Variants in ANKRD62 observed in about 807,000 individuals in gnomAD.
ANKRD62 encodes ankyrin repeat domain 62, also known as ankyrin repeat domain-containing protein 62.
Under a neutral mutation model 98.8 loss-of-function variants are expected in ANKRD62, and 61 were observed. The observed-to-expected ratio is 0.62, with a 90% CI of 0.50 to 0.76. The LOEUF is 0.76. Ranked by LOEUF, ANKRD62 falls within the 30% of genes least tolerant of loss-of-function variation. The probability of loss-of-function intolerance (pLI) is 0.00; values close to 1 mark genes in which losing one functional copy is unlikely to be tolerated. For missense variants in ANKRD62, 933 were observed against 1,082.9 expected (o/e 0.86, Z 1.94); for synonymous variants, 341 against 367.9 (o/e 0.93, Z 0.84).
the ANKRD62 span, among the ~76,000 whole-genome samples, chr18:12,175,613 A>G: frequency 6.6e-6 from 1 of 152,014 alleles, no homozygotes; most frequent in South Asian, 2.1e-4. Flanking sequence ...AGGGTCCACC[A>G]GCACAGAAGC....
intron 7 of ANKRD62, among the ~76,000 whole-genome samples, chr18:12,105,924 C>G (rs947586158): frequency 1.3e-5 from 2 of 152,092 alleles, no homozygotes; most frequent in Non-Finnish European, 2.9e-5. Context: ...TAATTTTTCC[C>G]TATTGACTTA....
At position 12,125,456 on chromosome 18, in the gene ANKRD62, T is replaced by G; in HGVS notation, c.1639-4T>G. On this transcript the variant is annotated splice_polypyrimidine_tract_variant and splice_region_variant and intron_variant, in intron 12 of 13. Coordinates refer to ENST00000587848, the MANE Select transcript of ANKRD62 (RefSeq NM_001277333.2). Reference sequence around the variant, plus strand: ...TAGTTGAGAGTTTTCTTTGTTTTATTTAGAATTTTCATACTCATGAAAGAG... The same window carrying G: ...TAGTTGAGAGTTTTCTTTGTTTTATGTAGAATTTTCATACTCATGAAAGAG... 1 of 1,444,418 alleles carries G rather than the reference T, an allele frequency of 6.9e-7. No individual in the cohort carries two copies. Among genetic ancestry groups the G allele is most frequent in the South Asian group, 1.6e-5 (1 of 64,220 alleles). 89.5% of individuals were successfully genotyped at this position (1,444,418 alleles called of 1,614,324 possible).
downstream of ANKRD62, among the ~76,000 whole-genome samples, chr18:12,132,043 A>G (rs932988152): frequency 4.6e-5 from 7 of 152,266 alleles, no homozygotes; most frequent in African/African-American, 1.7e-4. Context: ...GAATCTTAAT[A>G]ATGATGACTC....
chr18:12,145,299 G>A, the ANKRD62 span, among the ~76,000 whole-genome samples: 1 of 152,238 alleles, frequency 6.6e-6, no homozygotes, highest in South Asian at 2.1e-4. Context: ...ACATGGGCTT[G>A]GAATCTCCAA....
downstream of ANKRD62, among the ~76,000 whole-genome samples, chr18:12,130,338 A>G (rs1210986662): frequency 6.6e-6 from 1 of 152,152 alleles, no homozygotes; most frequent in Non-Finnish European, 1.5e-5. Flanking sequence ...TTTAAAATAT[A>G]TATTTTAGGC....
intron 6 of ANKRD62, chr18:12,102,625 A>G (rs1324430675): frequency 1.2e-5 from 8 of 650,568 alleles, no homozygotes; most frequent in Admixed American, 4.9e-5. Flanking sequence ...AGCCAGAATC[A>G]GAGAAGAGTT....
chr18:12,113,946 A>T (rs1909603073), intron 8 of ANKRD62, among the ~76,000 whole-genome samples: 1 of 152,264 alleles, frequency 6.6e-6, no homozygotes, highest in African/African-American at 2.4e-5. Flanking sequence ...ATACCAGGAA[A>T]TATTAGGTAG....
At chr18:12,118,586 G>T (rs1389304796) in intron 10 of ANKRD62, among the ~76,000 whole-genome samples, 1 of 149,462 alleles carries the variant, frequency 6.7e-6, no homozygotes, top group Non-Finnish European at 1.5e-5. Flanking sequence ...TCCAGTCTCG[G>T]AGACAGAGTA....
chr18:12,157,618 T>A, the ANKRD62 span, among the ~76,000 whole-genome samples: 1,037 of 152,324 alleles, frequency 6.8e-3, 10 homozygotes, highest in African/African-American at 0.024. Flanking sequence ...CTAGGGCTAG[T>A]GTGTTCGCTT....
chr18:12,147,038 GC>G, the ANKRD62 span, among the ~76,000 whole-genome samples: 6 of 119,150 alleles, frequency 5.0e-5, no homozygotes, highest in Non-Finnish European at 8.7e-5. Context: ...TTTAAAGGGG[GC>G]CCCGATCTTG....
chr18:12,117,812 C>G (rs1909696935), intron 10 of ANKRD62, among the ~76,000 whole-genome samples: 3 of 152,082 alleles, frequency 2.0e-5, no homozygotes, highest in African/African-American at 7.2e-5. Flanking sequence ...GGGAAAAAAC[C>G]CCATTTGTTT....
At chr18:12,163,622 T>C in the ANKRD62 span, among the ~76,000 whole-genome samples, 1 of 152,132 alleles carries the variant, frequency 6.6e-6, no homozygotes. Context: ...TTTTCTTCAT[T>C]TAGTATGATA....
chr18:12,180,802 T>C, the ANKRD62 span, among the ~76,000 whole-genome samples: 4 of 151,894 alleles, frequency 2.6e-5, no homozygotes, highest in Non-Finnish European at 5.9e-5. Flanking sequence ...AACAATTCTT[T>C]TTTTTTTATA....
chr18:12,125,200 T>C (rs1161608693), intron 12 of ANKRD62, among the ~76,000 whole-genome samples: 3 of 152,124 alleles, frequency 2.0e-5, no homozygotes, highest in Non-Finnish European at 4.4e-5. Context: ...TAAAAAAAAT[T>C]AGATTCTTAA....
Position 12,111,277 on chromosome 18 carries a change from A to G in ANKRD62, c.1064+3810A>G, listed in dbSNP as rs79429502. 4.7e-4 allele frequency among the ~76,000 whole-genome samples: 72 copies of G among 152,182 alleles called. No individual in the cohort carries two copies. In the East Asian group the frequency reaches 0.012, roughly 26 times the overall value. The stretch of plus-strand genomic sequence containing the variant: ...AAAAAAAAAAAGATCAATAAATGTA[A>G]TTAATCAAATAAACAGAATTATTCT... On this transcript the variant is annotated intron_variant, in intron 8 of 13. Transcript: ENST00000587848.
chr18:12,169,357 G>T, the ANKRD62 span, among the ~76,000 whole-genome samples: 1 of 152,120 alleles, frequency 6.6e-6, no homozygotes, highest in Non-Finnish European at 1.5e-5. Context: ...GTTGAATTTT[G>T]TTGAAGGCCT....
At chr18:12,115,585 A>G (rs963186401) in intron 10 of ANKRD62, 51 bp downstream of exon 10, 49 of 1,464,270 alleles carry the variant, frequency 3.3e-5, no homozygotes, top group Non-Finnish European at 4.2e-5. Flanking sequence ...ATAGTAATGT[A>G]TGCACATATT....
chr18:12,135,260 T>C, the ANKRD62 span, among the ~76,000 whole-genome samples: 1 of 145,022 alleles, frequency 6.9e-6, no homozygotes, highest in Non-Finnish European at 1.5e-5. Flanking sequence ...TTCTCATTGT[T>C]CAATTCCCAC....
chr18:12,168,599 G>T, the ANKRD62 span, among the ~76,000 whole-genome samples: 2 of 152,162 alleles, frequency 1.3e-5, no homozygotes, highest in South Asian at 4.1e-4. Flanking sequence ...TTAGGCTTAG[G>T]ATTGTCTTGG....
Sources: gnomAD v4.1 joint callset for allele counts (sites outside exome capture counted in the v4.1 genomes callset) on GRCh38, gnomAD v4.1.1 for gene constraint, MANE v1.5 for transcripts, NCBI Gene and HGNC (gene_info 2026-07-23, HGNC 2026-07-21) for gene names.